MAML3: variants seen among roughly 807,000 people sequenced by gnomAD.
MAML3 encodes the protein mastermind like transcriptional coactivator 3.
MAML3 carries 27 observed loss-of-function variants against 101.9 expected under a neutral mutation model. The ratio of observed to expected loss-of-function variants is 0.27; its 90% CI spans 0.20 to 0.37. MAML3 has a LOEUF of 0.37. MAML3 is among the 10% of genes least tolerant of loss of function. The pLI, the probability that MAML3 is intolerant of heterozygous loss-of-function variation, is 1.00. For synonymous variants in MAML3, 501 were observed against 555.9 expected (o/e 0.90, Z 1.39); for missense variants, 1,316 against 1,444.9 (o/e 0.91, Z 1.45).
chr4:139,958,365 T>C (rs1181752253), intron 1 of MAML3, among the ~76,000 whole-genome samples: 1 of 152,196 alleles, frequency 6.6e-6, no homozygotes, highest in Non-Finnish European at 1.5e-5. Flanking sequence ...GTGTAACCTA[T>C]GTTCAAAAGA....
chr4:139,817,180 T>A (rs557906118), intron 2 of MAML3, among the ~76,000 whole-genome samples: 2 of 152,324 alleles, frequency 1.3e-5, no homozygotes, highest in East Asian at 3.9e-4. Flanking sequence ...CTTCTGTTGT[T>A]CAAATGCTTC....
intron 1 of MAML3, among the ~76,000 whole-genome samples, chr4:139,933,069 C>T (rs1011658384): frequency 3.3e-5 from 5 of 151,576 alleles, no homozygotes; most frequent in South Asian, 2.1e-4. Context: ...GAGTCACATT[C>T]GAAAGCCAAG....
intron 2 of MAML3, among the ~76,000 whole-genome samples, chr4:139,877,343 A>G (rs795974): frequency 0.33 from 48,943 of 148,716 alleles, 8,229 homozygotes; most frequent in East Asian, 0.63. Flanking sequence ...ATTTCCCCCC[A>G]CCCCCCGAAG....
In MAML3 at chr4:139,773,397, G is replaced by T. The variant is rs544715697; in HGVS notation, c.2080-42730C>A. ...GCTTCAGGTTCTTCAACTGCAAAAG[G>T]GTATCACTAAATGCCCAGGGAAATA... On this transcript the variant is annotated intron_variant, in intron 2 of 4. Coordinates refer to ENST00000509479, the MANE Select transcript of MAML3 (RefSeq NM_018717.5). 1.1e-3 allele frequency among the ~76,000 whole-genome samples: 161 copies of T among 152,212 alleles called. 1 individual carries two copies. Among genetic ancestry groups the T allele is most frequent in the South Asian group, 7.3e-3 (35 of 4,816 alleles).
At chr4:139,974,182 T>C (rs181467425) in intron 1 of MAML3, among the ~76,000 whole-genome samples, 23 of 151,252 alleles carry the variant, frequency 1.5e-4, no homozygotes, top group African/African-American at 5.1e-4. Context: ...CTCGGCTCAC[T>C]GCAAGCTCCG....
At chr4:140,064,235 G>T (rs745629587) in intron 1 of MAML3, among the ~76,000 whole-genome samples, 19 of 152,148 alleles carry the variant, frequency 1.2e-4, no homozygotes, top group Non-Finnish European at 2.2e-4. Flanking sequence ...TATGGTCATT[G>T]TGGAGGTATT....
intron 1 of MAML3, among the ~76,000 whole-genome samples, chr4:140,140,483 T>G (rs1017970597): frequency 1.3e-5 from 2 of 152,152 alleles, no homozygotes; most frequent in Non-Finnish European, 2.9e-5. Context: ...TGGCTATCTA[T>G]GGAATGAGGA....
intron 1 of MAML3, among the ~76,000 whole-genome samples, chr4:140,079,884 G>A (rs1727836107): frequency 6.6e-6 from 1 of 152,184 alleles, no homozygotes; most frequent in African/African-American, 2.4e-5. Context: ...AGACTGACCT[G>A]TAAAATGTAT....
At chr4:139,743,103 C>T (rs1729216005) in intron 2 of MAML3, among the ~76,000 whole-genome samples, 1 of 152,242 alleles carries the variant, frequency 6.6e-6, no homozygotes, top group South Asian at 2.1e-4. Flanking sequence ...CCCACCTTCA[C>T]TCTGCTTCCC....
At chr4:139,769,916 C>CTTT (rs139445743) in intron 2 of MAML3, among the ~76,000 whole-genome samples, 70 of 132,270 alleles carry the variant, frequency 5.3e-4, no homozygotes, top group African/African-American at 1.9e-3. Flanking sequence ...CGCCCAGCCT[C>CTTT]TTTTTTTTTT....
chr4:140,098,471 C>A (rs1297996483), intron 1 of MAML3, among the ~76,000 whole-genome samples: 4 of 152,244 alleles, frequency 2.6e-5, no homozygotes, highest in African/African-American at 9.6e-5. Flanking sequence ...ATACGCCAGG[C>A]TGTGTTGTAA....
chr4:140,071,890 C>T (rs190975691), intron 1 of MAML3, among the ~76,000 whole-genome samples: 2 of 152,016 alleles, frequency 1.3e-5, no homozygotes, highest in Non-Finnish European at 2.9e-5. Context: ...GTCCCTTGGG[C>T]AGGCTGGTGT....
chr4:140,145,871 CTTTTTTCTTTTTTTTT>C (rs1729052933), intron 1 of MAML3, among the ~76,000 whole-genome samples: 1 of 32,676 alleles, frequency 3.1e-5, no homozygotes, highest in South Asian at 1.3e-3. Context: ...CCTTTTTTTT[CTTTTTTCTTTTTTTTT>C]TTTGAGAAGG....
intron 1 of MAML3, among the ~76,000 whole-genome samples, chr4:139,965,760 T>C (rs1376520201): frequency 6.6e-6 from 1 of 152,210 alleles, no homozygotes. Context: ...GAGGGTCTTT[T>C]TTATTTTATT....
intron 2 of MAML3, among the ~76,000 whole-genome samples, chr4:139,789,513 C>T (rs1335979442): frequency 6.6e-6 from 1 of 152,124 alleles, no homozygotes; most frequent in Non-Finnish European, 1.5e-5. Context: ...TGTGTAGGAG[C>T]TGCTAGCAGC....
chr4:140,094,647 G>T (rs758718753), intron 1 of MAML3, among the ~76,000 whole-genome samples: 2 of 152,158 alleles, frequency 1.3e-5, no homozygotes, highest in Admixed American at 6.5e-5. Context: ...TAAGATAGCC[G>T]GTGGCCAACG....
chr4:140,034,815 A>C (rs1726958827), intron 1 of MAML3, among the ~76,000 whole-genome samples: 1 of 152,234 alleles, frequency 6.6e-6, no homozygotes, highest in African/African-American at 2.4e-5. Context: ...GTCTAATTCC[A>C]GGAAGTTCCA....
intron 1 of MAML3, among the ~76,000 whole-genome samples, chr4:140,075,155 T>C (rs1409450596): frequency 6.6e-6 from 1 of 152,192 alleles, no homozygotes; most frequent in Admixed American, 6.5e-5. Context: ...TGAGGCAGGT[T>C]ATTAGTGCCA....
intron 1 of MAML3, among the ~76,000 whole-genome samples, chr4:140,072,336 A>G (rs543937345): frequency 2.6e-5 from 4 of 152,248 alleles, no homozygotes; most frequent in Admixed American, 1.3e-4. Context: ...TTCACATAGC[A>G]TTTACATTGT....
Sources: gnomAD v4.1 joint callset for allele counts (sites outside exome capture counted in the v4.1 genomes callset) on GRCh38, gnomAD v4.1.1 for gene constraint, MANE v1.5 for transcripts, NCBI Gene and HGNC (gene_info 2026-07-23, HGNC 2026-07-21) for gene names.